Variants in STK33 observed in about 807,000 individuals in gnomAD.
STK33 encodes serine/threonine-protein kinase 33.
STK33 carries 52 observed loss-of-function variants against 58.0 expected under a neutral mutation model. The observed-to-expected ratio is 0.90, with a 90% CI of 0.72 to 1.13. The LOEUF (loss-of-function observed/expected upper bound fraction) is 1.13. Ranked by LOEUF, STK33 falls within the 50% of genes most tolerant of loss-of-function variation. The pLI is 0.00. For synonymous variants in STK33, 215 were observed against 200.1 expected (o/e 1.07, Z -0.63); for missense variants, 630 against 604.2 (o/e 1.04, Z -0.45).
intron 1 of STK33, among the ~76,000 whole-genome samples, chr11:8,557,546 T>G (rs1264772646): frequency 6.6e-6 from 1 of 152,008 alleles, no homozygotes; most frequent in Non-Finnish European, 1.5e-5. Flanking sequence ...TTTACAGAAA[T>G]AATTCCTAGT....
chr11:8,437,266 C>T (rs1376063218), intron 12 of STK33, among the ~76,000 whole-genome samples: 1 of 152,172 alleles, frequency 6.6e-6, no homozygotes, highest in Non-Finnish European at 1.5e-5. Context: ...CTTAATAGAA[C>T]ATGGCAAGCC....
chr11:8,373,447 C>A, the STK33 span, among the ~76,000 whole-genome samples: 6 of 152,092 alleles, frequency 3.9e-5, no homozygotes, highest in Admixed American at 6.6e-5. Flanking sequence ...AAGGCAGGGG[C>A]AGGATGTAGC....
chr11:8,370,596 G>A, the STK33 span, among the ~76,000 whole-genome samples: 25 of 152,202 alleles, frequency 1.6e-4, no homozygotes, highest in Non-Finnish European at 2.6e-4. Flanking sequence ...CTCCATTCCT[G>A]AGGCTACAGA....
intron 5 of STK33, among the ~76,000 whole-genome samples, chr11:8,474,209 G>A (rs74402304): frequency 6.6e-6 from 1 of 151,470 alleles, no homozygotes; most frequent in African/African-American, 2.4e-5. Context: ...ATCGAAATCA[G>A]TACAATTGGG....
At chr11:8,426,930 C>G (rs1224123773) in intron 14 of STK33, among the ~76,000 whole-genome samples, 1 of 152,192 alleles carries the variant, frequency 6.6e-6, no homozygotes, top group African/African-American at 2.4e-5. Flanking sequence ...TGCTCCCATG[C>G]CCTTGCCCCC....
Position 8,515,271 on chromosome 11 carries a change from A to G in STK33, c.-465-34657T>C, listed in dbSNP as rs1016398282. 2.0e-5 allele frequency among the ~76,000 whole-genome samples: 3 copies of G among 152,214 alleles called. No homozygotes were observed. In the East Asian group the frequency reaches 5.8e-4, roughly 29 times the overall value. On this transcript the variant is annotated intron_variant, in intron 1 of 15. Transcript: ENST00000687296. ...ACAGAAATAAAAAGAATCATAAGAG[A>G]CTACTACGAACAATTATACGCCAAC...
At chr11:8,483,326 T>C (rs1949972421) in intron 1 of STK33, among the ~76,000 whole-genome samples, 1 of 151,976 alleles carries the variant, frequency 6.6e-6, no homozygotes, top group African/African-American at 2.4e-5. Context: ...GCAAGAAAAA[T>C]AGGAGAGAGA....
chr11:8,335,228 G>A, the STK33 span, among the ~76,000 whole-genome samples: 3 of 152,174 alleles, frequency 2.0e-5, no homozygotes, highest in Non-Finnish European at 2.9e-5. Flanking sequence ...GATCGCTAGC[G>A]GGGTCCCCAG....
intron 11 of STK33, among the ~76,000 whole-genome samples, chr11:8,449,272 C>A (rs1429429418): frequency 6.6e-6 from 1 of 151,590 alleles, no homozygotes; most frequent in Non-Finnish European, 1.5e-5. Context: ...ACCCAGCCAT[C>A]CCATTACTGG....
chr11:8,514,399 A>G (rs758194669), intron 1 of STK33, among the ~76,000 whole-genome samples: 1 of 152,146 alleles, frequency 6.6e-6, no homozygotes, highest in East Asian at 1.9e-4. Context: ...TCTATGGGGG[A>G]AAAAAATCTG....
chr11:8,385,713 C>T, the STK33 span, among the ~76,000 whole-genome samples: 2 of 152,022 alleles, frequency 1.3e-5, no homozygotes, highest in African/African-American at 4.8e-5. Flanking sequence ...CCTATCAGTG[C>T]CTGGCACATG....
At chr11:8,469,343 A>T (rs1165357718) in intron 6 of STK33, among the ~76,000 whole-genome samples, 1 of 152,230 alleles carries the variant, frequency 6.6e-6, no homozygotes, top group African/African-American at 2.4e-5. Context: ...TCAAGAAATC[A>T]CTTTCTTTGC....
At chr11:8,577,642 A>C (rs962363458) in intron 1 of STK33, among the ~76,000 whole-genome samples, 1 of 152,130 alleles carries the variant, frequency 6.6e-6, no homozygotes, top group African/African-American at 2.4e-5. Flanking sequence ...GGAAAAATGC[A>C]AAGTACTGTG....
chr11:8,487,088 A>C (rs1950240221), intron 1 of STK33, among the ~76,000 whole-genome samples: 1 of 152,194 alleles, frequency 6.6e-6, no homozygotes, highest in South Asian at 2.1e-4. Context: ...ATTTAGGACC[A>C]GAGACAAGGA....
chr11:8,450,493 C>T (rs1310145472), intron 11 of STK33, among the ~76,000 whole-genome samples: 1 of 151,866 alleles, frequency 6.6e-6, no homozygotes, highest in Non-Finnish European at 1.5e-5. Flanking sequence ...CACCATGGCA[C>T]ATGTATACCT....
chr11:8,590,064 G>A (rs2032351642), intron 1 of STK33, among the ~76,000 whole-genome samples: 1 of 152,148 alleles, frequency 6.6e-6, no homozygotes, highest in Non-Finnish European at 1.5e-5. Flanking sequence ...AATGGTAAAT[G>A]GATTTTCTCC....
At chr11:8,577,803 C>G (rs1315084320) in intron 1 of STK33, among the ~76,000 whole-genome samples, 2 of 152,084 alleles carry the variant, frequency 1.3e-5, no homozygotes, top group Non-Finnish European at 2.9e-5. Flanking sequence ...TCAATTTATA[C>G]ATAAATATTT....
At chr11:8,393,873 G>C (rs760230109) in intron 15 of STK33, among the ~76,000 whole-genome samples, 1 of 152,130 alleles carries the variant, frequency 6.6e-6, no homozygotes, top group Non-Finnish European at 1.5e-5. Context: ...GGTCCTGTAA[G>C]ACTTTTGGCA....
At chr11:8,426,064 G>C (rs1243332581) in intron 14 of STK33, among the ~76,000 whole-genome samples, 3 of 152,232 alleles carry the variant, frequency 2.0e-5, no homozygotes, top group African/African-American at 7.2e-5. Context: ...CACAAGGACA[G>C]AGGGCTTTCT....
Sources: gnomAD v4.1 joint callset for allele counts (sites outside exome capture counted in the v4.1 genomes callset) on GRCh38, gnomAD v4.1.1 for gene constraint, MANE v1.5 for transcripts, NCBI Gene and HGNC (gene_info 2026-07-23, HGNC 2026-07-21) for gene names.